The following ANAPC1 variants were observed in gnomAD, a reference collection of about 807,000 sequenced individuals.
The protein encoded by ANAPC1 is anaphase promoting complex subunit 1, also known as anaphase-promoting complex subunit 1.
In ANAPC1, 36 loss-of-function variants were observed where a neutral mutation model predicts 208.0. The ratio of observed to expected loss-of-function variants is 0.17; its 90% confidence interval spans 0.13 to 0.23. The LOEUF is 0.23. ANAPC1 is among the 10% of genes least tolerant of loss of function. The pLI is 1.00. For synonymous variants in ANAPC1, 378 were observed against 695.2 expected (o/e 0.54, Z 7.18); for missense variants, 942 against 2,011.6 (o/e 0.47, Z 10.17).
chr2:111,880,947 A>G, intron 1 of ANAPC1, 98 bp from the exon 2 acceptor site: 1 of 1,071,314 alleles, frequency 9.3e-7, no homozygotes, highest in Non-Finnish European at 1.4e-6. Context: ...ATGGGTGTCA[A>G]GTAATTATAT....
chr2:111,878,596 CAAAGA>C (rs1558747595), intron 3 of ANAPC1, among the ~76,000 whole-genome samples: 1 of 151,786 alleles, frequency 6.6e-6, no homozygotes, highest in East Asian at 1.9e-4. Flanking sequence ...ATTAAAGTGA[CAAAGA>C]AGAGTGTAAA....
intron 17 of ANAPC1, among the ~76,000 whole-genome samples, chr2:111,841,369 GA>G (rs904423301): frequency 1.2e-4 from 17 of 147,316 alleles, no homozygotes; most frequent in African/African-American, 2.7e-4. Context: ...TAAGTGAGAA[GA>G]AAAAAAAACA....
intron 4 of ANAPC1, 38 bp from the exon 5 acceptor site, chr2:111,873,446 T>G (rs759221390): frequency 1.1e-5 from 18 of 1,595,188 alleles, no homozygotes; most frequent in Non-Finnish European, 1.5e-5. Flanking sequence ...ATGTGTTTTT[T>G]CCCTCAAAGG....
At chr2:111,863,023 A>T (rs1573489961) in intron 9 of ANAPC1, among the ~76,000 whole-genome samples, 1 of 27,968 alleles carries the variant, frequency 3.6e-5, no homozygotes, top group Non-Finnish European at 1.2e-4. Flanking sequence ...AATAACAAGT[A>T]AAAAAAAAAG....
chr2:111,824,838 G>A, intron 24 of ANAPC1, 128 bp downstream of exon 24: 1 of 972,812 alleles, frequency 1.0e-6, no homozygotes, highest in Non-Finnish European at 1.5e-6. Flanking sequence ...AATATGGCTT[G>A]ATGAACCATA....
chr2:111,799,448 C>T (rs1157211203), intron 34 of ANAPC1, among the ~76,000 whole-genome samples: 1 of 152,130 alleles, frequency 6.6e-6, no homozygotes, highest in African/African-American at 2.4e-5. Flanking sequence ...TCCAGCCCTA[C>T]CTAATAGGAT....
chr2:111,839,770 A>G (rs1680662608), intron 17 of ANAPC1, among the ~76,000 whole-genome samples: 1 of 152,194 alleles, frequency 6.6e-6, no homozygotes, highest in African/African-American at 2.4e-5. Flanking sequence ...CCCACAGTCA[A>G]AAAGAATGTC....
chr2:111,868,656 G>A (rs1197161984), intron 6 of ANAPC1, among the ~76,000 whole-genome samples: 2 of 151,984 alleles, frequency 1.3e-5, no homozygotes, highest in Non-Finnish European at 2.9e-5. Flanking sequence ...TCAACCTCCC[G>A]AGTAGTTGGG....
At chr2:111,866,106 A>AG (rs1020747336) in intron 7 of ANAPC1, 1 of 190,148 alleles carries the variant, frequency 5.3e-6, no homozygotes, top group Non-Finnish European at 1.1e-5. Context: ...CGGGAGGCTG[A>AG]GGGAGGAGAA....
intron 40 of ANAPC1, among the ~76,000 whole-genome samples, chr2:111,785,129 T>C (rs1677482180): frequency 6.6e-6 from 1 of 150,910 alleles, no homozygotes; most frequent in Non-Finnish European, 1.5e-5. Flanking sequence ...TTTCAAATTA[T>C]AAGCTCTAAG....
At chr2:111,848,906 T>C (rs967454126) in intron 14 of ANAPC1, among the ~76,000 whole-genome samples, 43 of 152,196 alleles carry the variant, frequency 2.8e-4, no homozygotes, top group Non-Finnish European at 5.6e-4. Context: ...TAGGCAATTA[T>C]TTATTCAAAA....
At chr2:111,853,546 T>C (rs1199562917) in intron 13 of ANAPC1, among the ~76,000 whole-genome samples, 1 of 152,108 alleles carries the variant, frequency 6.6e-6, no homozygotes, top group South Asian at 2.1e-4. Flanking sequence ...TCTCCTGCTA[T>C]TTCCACCACA....
At chr2:111,842,766 A>C (rs1680839145) in intron 17 of ANAPC1, among the ~76,000 whole-genome samples, 1 of 152,106 alleles carries the variant, frequency 6.6e-6, no homozygotes, top group Admixed American at 6.6e-5. Context: ...TGACCCAGGC[A>C]AAGTTGTCCT....
rs750765481 is a variant in ANAPC1 at position 111,867,978 on chromosome 2, C to CA, written c.685+44dup. ...CCTTTATAACCTCCCTCACCAAAGT[C>CA]AAAAAAAAAAGAGCTTATCTAAAAG... is the stretch of plus-strand genomic sequence containing the variant. On this transcript the variant is annotated intron_variant, in intron 7 of 47. Coordinates refer to ENST00000341068, the MANE Select transcript of ANAPC1 (RefSeq NM_022662.4). 6,087 of 1,118,184 alleles carry CA rather than the reference C, an allele frequency of 5.4e-3. 7 individuals carry two copies. The highest frequency in any genetic ancestry group is 8.8e-3 in the South Asian group (467 of 52,880). 69.3% of individuals were successfully genotyped at this position (1,118,184 alleles called of 1,614,324 possible).
intron 2 of ANAPC1, 125 bp downstream of exon 2, chr2:111,880,485 TACC>T: frequency 6.9e-7 from 1 of 1,439,124 alleles, no homozygotes; most frequent in Non-Finnish European, 9.2e-7. Context: ...TTATTGAAAT[TACC>T]ACACCTTAAC....
intron 11 of ANAPC1, 69 bp from the exon 12 acceptor site, chr2:111,856,955 T>G (rs1681762154): frequency 8.0e-7 from 1 of 1,251,700 alleles, no homozygotes; most frequent in Admixed American, 2.1e-5. Flanking sequence ...AGTATTATAC[T>G]GAACAGAAAA....
intron 13 of ANAPC1, among the ~76,000 whole-genome samples, chr2:111,852,317 G>A (rs1326795371): frequency 2.7e-5 from 4 of 149,720 alleles, no homozygotes; most frequent in South Asian, 2.2e-4. Context: ...ACGTAACCAG[G>A]CCTTAGGCTT....
chr2:111,870,513 CTTTT>C (rs901391893), intron 6 of ANAPC1, among the ~76,000 whole-genome samples: 3 of 152,180 alleles, frequency 2.0e-5, no homozygotes, highest in Admixed American at 6.5e-5. Context: ...TGTGTATCTT[CTTTT>C]GAGAACTGTC....
rs1676542482 is a variant in ANAPC1, at chr2:111,768,349, T to C, written c.*942A>G. The C allele has an allele frequency of 6.6e-6, 1 of 152,156 alleles. No individual in the cohort carries two copies. The highest frequency in any genetic ancestry group is 1.5e-5 in the Non-Finnish European group (1 of 68,034). The allele number at this position is 152,156 out of a possible 1,614,324, so 9.4% of individuals were successfully genotyped here. On this transcript the variant is annotated 3_prime_UTR_variant, in exon 48 of 48. Coordinates refer to ENST00000341068, the MANE Select transcript of ANAPC1 (RefSeq NM_022662.4). ...CTAAAGAGCCCTCTGTAGTAATTTC[T>C]TATTTTATCTATTTAGAGCAGGCTT...
Sources: allele counts gnomAD v4.1 joint callset (sites outside exome capture counted in the v4.1 genomes callset), GRCh38; gene constraint gnomAD v4.1.1; transcripts MANE v1.5; gene names NCBI Gene and HGNC (gene_info 2026-07-23, HGNC 2026-07-21).